FRMD3: variants seen among roughly 807,000 people sequenced by gnomAD.
The protein encoded by FRMD3 is FERM domain containing 3.
In FRMD3, 33 loss-of-function variants were observed where a neutral mutation model predicts 70.2. That is an observed-to-expected ratio of 0.47 (90% CI 0.36 to 0.63). The LOEUF (loss-of-function observed/expected upper bound fraction) is 0.63, where lower values mean the gene tolerates loss of function less well. Among genes scored for constraint, FRMD3 ranks in the 20% least tolerant of loss-of-function variants. The probability of loss-of-function intolerance (pLI) is 0.00; values close to 1 mark genes in which losing one functional copy is unlikely to be tolerated. For synonymous variants in FRMD3, 279 were observed against 255.9 expected, an observed-to-expected ratio of 1.09 and a Z score of -0.86; for missense variants, 632 against 711.4, an observed-to-expected ratio of 0.89 and a Z score of 1.27.
At chr9:83,363,669 C>T (rs1030045745) in intron 3 of FRMD3, among the ~76,000 whole-genome samples, 2 of 151,640 alleles carry the variant, frequency 1.3e-5, no homozygotes, top group Middle Eastern at 6.8e-3. Flanking sequence ...ATTCTCCTGC[C>T]TCAGCCTCCT....
At chr9:83,340,174 C>CA (rs1238170326) in intron 5 of FRMD3, among the ~76,000 whole-genome samples, 1 of 151,962 alleles carries the variant, frequency 6.6e-6, no homozygotes, top group Non-Finnish European at 1.5e-5. Flanking sequence ...ATCCTGCCTA[C>CA]AAAAAAATAC....
upstream of FRMD3, chr9:83,538,564 C>A (rs1374156847): frequency 1.5e-5 from 3 of 206,602 alleles, no homozygotes; most frequent in Admixed American, 6.0e-5. This position sits in a 1 kb window ranked among gnomAD's most constrained non-coding sequence, Gnocchi z 4.7. Context: ...CACTCCCACG[C>A]GCGCCGAGCA....
the FRMD3 span, among the ~76,000 whole-genome samples, chr9:83,550,687 A>AGTCTGT: frequency 1.4e-5 from 2 of 138,960 alleles, no homozygotes; most frequent in East Asian, 4.4e-4. Flanking sequence ...AGTCCTAGGT[A>AGTCTGT]GTGTGTGTGT....
rs375800059 is a variant in FRMD3 at position 83,290,660 on chromosome 9, G to A, written c.1138C>T (p.Leu380=). 3.1e-6 allele frequency: 5 copies of A among 1,613,974 alleles called. No individual in the cohort carries two copies. The highest frequency in any genetic ancestry group is 4.2e-6 in the Non-Finnish European group (5 of 1,179,990). ...NKQLIINMEP[L]QPLLPSPSEQ... ...CTGGGGGAAGGAAGCAGGGGCTGCA[G>A]GGGTTCCATGTTAATGATGAGCTGT... Residue 380 remains leucine, a synonymous_variant, in exon 13 of 14, where the codon CTG becomes TTG. Coordinates refer to ENST00000304195, the MANE Select transcript of FRMD3 (RefSeq NM_174938.6).
At chr9:83,492,342 CATT>C (rs997375662) in intron 1 of FRMD3, among the ~76,000 whole-genome samples, 13 of 151,582 alleles carry the variant, frequency 8.6e-5, no homozygotes, top group Admixed American at 4.6e-4. Context: ...ATAACAAAAA[CATT>C]ATGAGCTATT....
upstream of FRMD3, among the ~76,000 whole-genome samples, chr9:83,539,686 T>C (rs1224638365): frequency 6.6e-6 from 1 of 152,136 alleles, no homozygotes; most frequent in Non-Finnish European, 1.5e-5. Context: ...GGAGTCCGCA[T>C]TGCATTTGGA....
rs368940409 is a variant in FRMD3, at chr9:83,351,162, G to A, written c.296-1405C>T. 1.1e-4 allele frequency among the ~76,000 whole-genome samples: 16 copies of A among 152,112 alleles called. No individual in the cohort carries two copies. The South Asian group carries it at 2.3e-3, about 22-fold the overall frequency. ...TGTCTGGACTACTCCAGATGTAGAC[G>A]AATCCTTTACATAAGAAGAGCCACA... On this transcript the variant is annotated intron_variant, in intron 3 of 13. Coordinates refer to ENST00000304195, the MANE Select transcript of FRMD3 (RefSeq NM_174938.6).
chr9:83,449,208 G>A (rs571223494), intron 1 of FRMD3, among the ~76,000 whole-genome samples: 18 of 152,248 alleles, frequency 1.2e-4, no homozygotes, highest in South Asian at 8.3e-4. Flanking sequence ...CCGGTATGTC[G>A]CACCAACAGC....
the FRMD3 span, among the ~76,000 whole-genome samples, chr9:83,557,211 C>T: frequency 5.8e-3 from 890 of 152,258 alleles, 7 homozygotes; most frequent in African/African-American, 0.02. Flanking sequence ...TCCAAGGCAT[C>T]ATATTTGCAG....
At chr9:83,575,995 G>T in the FRMD3 span, among the ~76,000 whole-genome samples, 1 of 151,698 alleles carries the variant, frequency 6.6e-6, no homozygotes, top group African/African-American at 2.4e-5. Flanking sequence ...AAGGCGGGAG[G>T]ATCACTCGAA....
In FRMD3 at chr9:83,538,360, C is replaced by T. The variant is rs1467376108; in HGVS notation, c.-129G>A. ...CTCAGCCCCGGGACATCGGCAGCGT[C>T]GGGCGCCTGCGGACACACATGCCCA... On this transcript the variant is annotated 5_prime_UTR_variant, in exon 1 of 14. Coordinates refer to ENST00000304195, the MANE Select transcript of FRMD3 (RefSeq NM_174938.6). This position sits in a 1 kb window ranked among gnomAD's most constrained non-coding sequence, Gnocchi z 4.7. 1.2e-6 allele frequency: 1 copy of T among 809,300 alleles called. No individual in the cohort carries two copies. The highest frequency in any genetic ancestry group is 1.8e-5 in the African/African-American group (1 of 55,848). 50.1% of individuals were successfully genotyped at this position (809,300 alleles called of 1,614,324 possible). A position where few individuals can be genotyped will look rare whatever the true frequency, so the allele number is the denominator to read the frequency against.
intron 1 of FRMD3, among the ~76,000 whole-genome samples, chr9:83,501,021 C>T (rs1168071560): frequency 1.3e-5 from 2 of 152,030 alleles, no homozygotes; most frequent in African/African-American, 4.8e-5. Context: ...ATCAAAGTTG[C>T]CAAAAACAAA....
chr9:83,429,126 A>G (rs549778811), intron 1 of FRMD3, among the ~76,000 whole-genome samples: 2 of 152,328 alleles, frequency 1.3e-5, no homozygotes, highest in African/African-American at 4.8e-5. Flanking sequence ...TGATCCATAG[A>G]AGATATTCAC....
At chr9:83,243,251 A>C, downstream of FRMD3, 1 of 1,547,552 alleles carries the variant, frequency 6.5e-7, no homozygotes, top group Non-Finnish European at 8.7e-7. Flanking sequence ...AGAAAAGGAG[A>C]GAGGGAGAGA....
In FRMD3 at chr9:83,299,157, A is replaced by G; in HGVS notation, c.956T>C (p.Val319Ala). The G allele has an allele frequency of 6.2e-7, 1 of 1,613,296 alleles. No homozygotes were observed. The highest frequency in any genetic ancestry group is 8.5e-7 in the Non-Finnish European group (1 of 1,179,488). The change falls in exon 11 of 14, where the codon GTA becomes GCA. Residue 319 changes from valine (V) to alanine (A), a missense_variant. Around this residue, in one of 3 missense-constraint regions of FRMD3, gnomAD observed 418 missense variants for 442.1 expected, o/e 0.95. Transcript: ENST00000304195. ...KYAKSSQIKT[V>A]SSSKIFFKGS... ...TTTAAAAAATATCTTGCTGCTTGAT[A>G]CAGTCTTGATCTGACTGGATTTTGC...
intron 1 of FRMD3, among the ~76,000 whole-genome samples, chr9:83,465,068 T>G (rs1013360078): frequency 2.0e-5 from 3 of 150,960 alleles, no homozygotes; most frequent in African/African-American, 2.4e-5. Context: ...TAATGAGATG[T>G]CTTTGAGATG....
chr9:83,364,351 G>A (rs985493714), intron 3 of FRMD3, among the ~76,000 whole-genome samples: 1 of 152,188 alleles, frequency 6.6e-6, no homozygotes, highest in South Asian at 2.1e-4. Context: ...AAGGTCAAGA[G>A]ATCGAGACCA....
chr9:83,478,143 C>T (rs1247716265), intron 1 of FRMD3, among the ~76,000 whole-genome samples: 1 of 152,182 alleles, frequency 6.6e-6, no homozygotes, highest in African/African-American at 2.4e-5. Flanking sequence ...CAATTTAGAA[C>T]AGTCAGTTTC....
At chr9:83,431,498 A>AT (rs941861199) in intron 1 of FRMD3, among the ~76,000 whole-genome samples, 1 of 151,778 alleles carries the variant, frequency 6.6e-6, no homozygotes, top group South Asian at 2.1e-4. Context: ...TTCTATTCTG[A>AT]TTTTTTTCCC....
Sources: gnomAD v4.1 joint callset for allele counts (sites outside exome capture counted in the v4.1 genomes callset) on GRCh38, gnomAD v4.1.1 for gene constraint, gnomAD v4.1.1 regional missense constraint, Gnocchi (gnomAD v3.1) non-coding constraint, MANE v1.5 for transcripts, NCBI Gene and HGNC (gene_info 2026-07-23, HGNC 2026-07-21) for gene names.